PDE5A: variants seen among roughly 807,000 people sequenced by gnomAD.
The protein encoded by PDE5A is cGMP-specific 3',5'-cyclic phosphodiesterase.
PDE5A carries 67 observed loss-of-function variants against 110.2 expected under a neutral mutation model. That is an observed-to-expected ratio of 0.61 (90% CI 0.50 to 0.75). The LOEUF is 0.75. Among genes scored for constraint, PDE5A ranks in the 30% least tolerant of loss-of-function variants. The pLI is 0.00. For missense variants in PDE5A, 862 were observed against 1,045.1 expected (o/e 0.82, Z 2.42); for synonymous variants, 328 against 351.2 (o/e 0.93, Z 0.74).
chr4:119,505,780 T>C (rs1725528459), intron 17 of PDE5A, 75 bp downstream of exon 17: 2 of 823,180 alleles, frequency 2.4e-6, no homozygotes, highest in African/African-American at 1.8e-5. Context: ...CAATAAAAAC[T>C]AACAGTGAGG....
chr4:119,508,980 C>G (rs1725650547), intron 15 of PDE5A, among the ~76,000 whole-genome samples: 1 of 151,696 alleles, frequency 6.6e-6, no homozygotes, highest in Non-Finnish European at 1.5e-5. Context: ...GTAAAATATG[C>G]TTTTAAAAAA....
Position 119,559,540 on chromosome 4 carries a change from T to C in PDE5A, c.1199+756A>G, listed in dbSNP as rs115138437. ...TTATGCAAGCCAAAAAGTAAAATAT[T>C]CAAATATTTACATATGTCCTACCTA... On this transcript the variant is annotated intron_variant, in intron 7 of 20. Transcript: ENST00000354960. Among the ~76,000 whole-genome samples the C allele has an allele frequency of 8.7e-3, 1,317 of 152,226 alleles. 15 individuals are homozygous for C. The highest frequency in any genetic ancestry group is 0.013 in the Non-Finnish European group (875 of 68,010).
chr4:119,608,079 GA>G (rs1211030482), intron 1 of PDE5A, among the ~76,000 whole-genome samples: 1 of 152,126 alleles, frequency 6.6e-6, no homozygotes, highest in African/African-American at 2.4e-5. Flanking sequence ...TGCAAAAGTA[GA>G]TAAGTTTAGA....
chr4:119,542,136 A>G (rs932733389), intron 10 of PDE5A: 3 of 209,536 alleles, frequency 1.4e-5, no homozygotes, highest in African/African-American at 2.3e-5. Context: ...GCAATGGGAA[A>G]GAGACAGATA....
At chr4:119,514,256 A>G (rs577013566) in intron 14 of PDE5A, among the ~76,000 whole-genome samples, 1 of 152,272 alleles carries the variant, frequency 6.6e-6, no homozygotes, top group South Asian at 2.1e-4. Context: ...AAGCCTTAGA[A>G]ATCTATAGAA....
rs534526888 is a variant in PDE5A, at chr4:119,518,094, A to G, written c.2000+951T>C. 1.2e-3 allele frequency among the ~76,000 whole-genome samples: 183 copies of G among 152,278 alleles called. 1 individual carries two copies. Among genetic ancestry groups the G allele is most frequent in the African/African-American group, 4.0e-3 (168 of 41,534 alleles). Reference sequence around the variant, plus strand: ...TTGTTACATCACTACAATTCTTTCTACATGAAGTTTTCCATTTATTTAGAT... The same window carrying G: ...TTGTTACATCACTACAATTCTTTCTGCATGAAGTTTTCCATTTATTTAGAT... On this transcript the variant is annotated intron_variant, in intron 14 of 20. Transcript: ENST00000354960.
rs941962355 is a variant in PDE5A at position 119,607,259 on chromosome 4, G to C, written c.191C>G (p.Thr64Ser). The part of the protein sequence containing the change: ...VNAWFAERVH[T>S]IPVCKEGIRG... ...GATACCTTCCTTGCACACAGGGATG[G>C]TGTGAACTCTCTCAGCAAACCATGC... The change falls in exon 2 of 21, where the codon ACC becomes AGC. Residue 64 changes from threonine to serine, a missense_variant. Coordinates refer to ENST00000354960, the MANE Select transcript of PDE5A (RefSeq NM_001083.4). 4.3e-6 allele frequency: 7 copies of C among 1,612,890 alleles called. No homozygotes were observed. Among genetic ancestry groups the C allele is most frequent in the Non-Finnish European group, 5.9e-6 (7 of 1,179,936 alleles).
intron 2 of PDE5A, among the ~76,000 whole-genome samples, chr4:119,604,950 T>A (rs1384744995): frequency 6.6e-6 from 1 of 152,198 alleles, no homozygotes; most frequent in Non-Finnish European, 1.5e-5. Flanking sequence ...AAGGTCCTTG[T>A]TAAGGTCCTT....
intron 12 of PDE5A, among the ~76,000 whole-genome samples, chr4:119,524,313 TTTC>T (rs1398511336): frequency 5.9e-5 from 9 of 152,084 alleles, no homozygotes; most frequent in Non-Finnish European, 1.3e-4. Context: ...GCTGTCCCAA[TTTC>T]TTCATTTGTA....
chr4:119,501,092 A>G (rs1179797473), intron 20 of PDE5A, 78 bp downstream of exon 20: 13 of 827,878 alleles, frequency 1.6e-5, no homozygotes, highest in Non-Finnish European at 4.0e-6. Flanking sequence ...ATAGGCGCCT[A>G]ATATTAATCT....
intron 18 of PDE5A, 37 bp downstream of exon 18, chr4:119,504,499 A>G (rs377091278): frequency 3.9e-5 from 60 of 1,528,412 alleles, no homozygotes; most frequent in Non-Finnish European, 4.5e-6. Context: ...TGTTATTTTG[A>G]CTTTTTAATT....
intron 3 of PDE5A, among the ~76,000 whole-genome samples, chr4:119,580,947 G>C (rs1329991754): frequency 2.6e-5 from 4 of 152,222 alleles, no homozygotes. Flanking sequence ...TAATAATGAA[G>C]ATTTATTTTA....
At chr4:119,605,828 G>C (rs902999964) in intron 2 of PDE5A, among the ~76,000 whole-genome samples, 1 of 151,974 alleles carries the variant, frequency 6.6e-6, no homozygotes, top group Non-Finnish European at 1.5e-5. Context: ...GCACTATAAG[G>C]CACCAGGAAC....
chr4:119,613,606 A>G (rs974628335), intron 1 of PDE5A, among the ~76,000 whole-genome samples: 2 of 152,228 alleles, frequency 1.3e-5, no homozygotes, highest in Non-Finnish European at 2.9e-5. Flanking sequence ...AACATGTCCA[A>G]TATAAAAGTA....
At chr4:119,568,863 A>G (rs1005473896) in intron 3 of PDE5A, among the ~76,000 whole-genome samples, 9 of 152,190 alleles carry the variant, frequency 5.9e-5, no homozygotes, top group Admixed American at 3.3e-4. Context: ...GAACTGTATG[A>G]AGCAATGTAC....
At chr4:119,600,543 A>G (rs1342045318) in intron 2 of PDE5A, among the ~76,000 whole-genome samples, 1 of 152,152 alleles carries the variant, frequency 6.6e-6, no homozygotes, top group South Asian at 2.1e-4. Context: ...AAAGTGTAAG[A>G]TAGGCCTCAA....
At chr4:119,604,056 C>A (rs185417162) in intron 2 of PDE5A, among the ~76,000 whole-genome samples, 2 of 152,260 alleles carry the variant, frequency 1.3e-5, no homozygotes, top group Admixed American at 1.3e-4. Flanking sequence ...CACAGATCAA[C>A]CCCCACAAGT....
In PDE5A at chr4:119,628,763, ACC is replaced by A; in HGVS notation, c.-94_-93del. ...CAGAAGAACAGGACTCGGCCTCGAGACCCTCCCCCTTCGTCCTGCTCCAGTCG... is the reference window on the plus strand; with the variant it reads ...CAGAAGAACAGGACTCGGCCTCGAGACTCCCCCTTCGTCCTGCTCCAGTCG... On this transcript the variant is annotated 5_prime_UTR_variant, in exon 1 of 21. Coordinates refer to ENST00000354960, the MANE Select transcript of PDE5A (RefSeq NM_001083.4). 6.5e-7 allele frequency: 1 copy of A among 1,528,782 alleles called. No homozygotes were observed. Among genetic ancestry groups the A allele is most frequent in the East Asian group, 2.4e-5 (1 of 42,018 alleles). The allele number at this position is 1,528,782 out of a possible 1,614,324, so 94.7% of individuals were successfully genotyped here.
At chr4:119,558,108 T>A (rs1206268188) in intron 7 of PDE5A, among the ~76,000 whole-genome samples, 1 of 152,172 alleles carries the variant, frequency 6.6e-6, no homozygotes, top group East Asian at 1.9e-4. Flanking sequence ...TCCTTCTAAT[T>A]GGGTGGCTCT....
Sources: gnomAD v4.1 joint callset for allele counts (sites outside exome capture counted in the v4.1 genomes callset) on GRCh38, gnomAD v4.1.1 for gene constraint, MANE v1.5 for transcripts, NCBI Gene and HGNC (gene_info 2026-07-23, HGNC 2026-07-21) for gene names.